Variants in CYB5R2 observed in about 807,000 individuals in gnomAD.
CYB5R2 encodes NADH-cytochrome b5 reductase 2.
CYB5R2 carries 35 observed loss-of-function variants against 29.8 expected under a neutral mutation model. The ratio of observed to expected loss-of-function variants is 1.17; its 90% confidence interval spans 0.90 to 1.56. The LOEUF is 1.56. CYB5R2 is among the 40% of genes most tolerant of loss of function. The pLI is 0.00. For missense variants in CYB5R2, 419 were observed against 346.7 expected (o/e 1.21, Z -1.66); for synonymous variants, 169 against 130.6 (o/e 1.29, Z -2.01).
At chr11:7,673,640 C>G (rs531216383), upstream of CYB5R2, 4 of 985,540 alleles carry the variant, frequency 4.1e-6, no homozygotes, top group African/African-American at 7.0e-5. Context: ...CTCCGCGCCT[C>G]TGGCCTCTTT....
At chr11:7,669,555 GCCCCTCCA>G in intron 4 of CYB5R2, 62 bp downstream of exon 4, 2 of 1,327,738 alleles carry the variant, frequency 1.5e-6, no homozygotes, top group Non-Finnish European at 2.1e-6. Context: ...AAAAAGCACT[GCCCCTCCA>G]CCCCACCACC....
rs11758 is a variant in CYB5R2 at position 7,665,262 on chromosome 11, G to C, written c.*112C>G. The stretch of plus-strand genomic sequence containing the variant: ...AAAAGAGGAGAACCAGTGTGTGCGC[G>C]AAGGTACATGGCAAGGCACTTTTGA... On this transcript the variant is annotated 3_prime_UTR_variant, in exon 9 of 9. Transcript: ENST00000299498. 175,940 of 930,108 alleles carry C rather than the reference G, an allele frequency of 0.19. 17,407 individuals are homozygous for C. The highest frequency in any genetic ancestry group is 0.24 in the Middle Eastern group (1,094 of 4,528). 57.6% of individuals were successfully genotyped at this position (930,108 alleles called of 1,614,324 possible). A position where few individuals can be genotyped will look rare whatever the true frequency, so the allele number is the denominator to read the frequency against.
Position 7,667,673 on chromosome 11 carries a change from G to A in CYB5R2, c.558+55C>T, listed in dbSNP as rs529319154. Reference sequence around the variant, plus strand: ...GTCAATGCAGGAGAAATGAAAACAAGAGCCCAGCTCAGCAAACATTCCATC... The same window carrying A: ...GTCAATGCAGGAGAAATGAAAACAAAAGCCCAGCTCAGCAAACATTCCATC... On this transcript the variant is annotated intron_variant, in intron 7 of 8. Transcript: ENST00000299498. 4.7e-6 allele frequency: 7 copies of A among 1,481,958 alleles called. No individual in the cohort carries two copies. In the South Asian group the frequency reaches 6.8e-5, roughly 14 times the overall value. 91.8% of individuals were successfully genotyped at this position (1,481,958 alleles called of 1,614,324 possible).
chr11:7,670,473 C>A (rs912680360), intron 3 of CYB5R2: 2 of 152,324 alleles, frequency 1.3e-5, no homozygotes, highest in Non-Finnish European at 2.9e-5. Context: ...ATTACAACTA[C>A]TCCATCTGTA....
upstream of CYB5R2, chr11:7,673,654 T>A (rs571258305): frequency 6.9e-4 from 677 of 985,310 alleles, 4 homozygotes; most frequent in African/African-American, 0.011. Flanking sequence ...CCTCTTTCCT[T>A]CCGGCCGTCC....
intron 3 of CYB5R2, chr11:7,669,980 G>A: frequency 2.1e-6 from 1 of 468,794 alleles, no homozygotes; most frequent in Non-Finnish European, 3.8e-6. Context: ...GTAAAATGGG[G>A]GTGATATGTC....
intron 1 of CYB5R2, chr11:7,673,184 C>CA (rs751056956): frequency 2.4e-6 from 1 of 420,182 alleles, no homozygotes; most frequent in Non-Finnish European, 4.1e-6. Flanking sequence ...TGGCTACAGC[C>CA]AAAGGTTCAT....
chr11:7,667,871 T>G, intron 6 of CYB5R2, 58 bp from the exon 7 acceptor site: 1 of 1,391,358 alleles, frequency 7.2e-7, no homozygotes, highest in East Asian at 2.3e-5. Flanking sequence ...CCACAGTCCC[T>G]GACCTGCAGC....
chr11:7,673,404 C>A lies in CYB5R2; in HGVS notation c.-67+15G>T, dbSNP rs181352694. The A allele has an allele frequency of 1.0e-6, 1 of 997,230 alleles. No homozygotes were observed. The allele number at this position is 997,230 out of a possible 1,614,324, so 61.8% of individuals were successfully genotyped here. ...ACTGCCAGAGACTCGGGAGCCTCCC[C>A]GCATCTGTCCCTACCCTACAAGGCC... On this transcript the variant is annotated intron_variant, in intron 1 of 8. Coordinates refer to ENST00000299498, the MANE Select transcript of CYB5R2 (RefSeq NM_016229.5).
intron 7 of CYB5R2, chr11:7,666,844 G>T: frequency 3.6e-6 from 1 of 276,730 alleles, no homozygotes. Context: ...GGCCAGGATG[G>T]CTTCACTCGG....
At chr11:7,666,730 TTGTGGATGAAGTTCCTCCA>T (rs967362263) in intron 7 of CYB5R2, 180 bp from the exon 8 acceptor site, 5 of 510,360 alleles carry the variant, frequency 9.8e-6, no homozygotes, top group South Asian at 2.4e-5. Context: ...ACCCTTTGTT[TTGTGGATGAAGTTCCTCCA>T]TGTGGATGAA....
chr11:7,672,171 A>C (rs1285237536), intron 3 of CYB5R2: 26 of 411,410 alleles, frequency 6.3e-5, no homozygotes, highest in Non-Finnish European at 1.0e-4. Context: ...TTCCCCAGCA[A>C]GGAGCCTTCC....
At chr11:7,666,679 C>G (rs1426250189) in intron 7 of CYB5R2, 129 bp from the exon 8 acceptor site, 1 of 603,614 alleles carries the variant, frequency 1.7e-6, no homozygotes, top group East Asian at 2.9e-5. Context: ...CTGCCAACTC[C>G]CACGGCAAAC....
chr11:7,672,369 T>G (rs538441575), intron 3 of CYB5R2, 82 bp downstream of exon 3: 14 of 1,260,676 alleles, frequency 1.1e-5, no homozygotes, highest in Non-Finnish European at 1.6e-5. Context: ...CCTCAGGACG[T>G]GGGAAACCTG....
chr11:7,672,269 GAAGAA>G (rs150922250), intron 3 of CYB5R2, 177 bp downstream of exon 3: 42,693 of 587,796 alleles, frequency 0.073, 1,651 homozygotes, highest in East Asian at 0.1. Flanking sequence ...TTGGAATAAT[GAAGAA>G]AAGAAATTTT....
intron 4 of CYB5R2, 127 bp downstream of exon 4, chr11:7,669,498 A>G: frequency 8.3e-7 from 1 of 1,211,562 alleles, no homozygotes; most frequent in Non-Finnish European, 1.2e-6. Context: ...GGTTAACTGT[A>G]GCTTCACTGC....
intron 8 of CYB5R2, 51 bp downstream of exon 8, chr11:7,666,400 G>T: frequency 8.6e-7 from 1 of 1,162,404 alleles, no homozygotes; most frequent in Non-Finnish European, 1.3e-6. Context: ...TCCTCAAAGT[G>T]GTCAAGGGTT....
chr11:7,669,395 C>T (rs1392889896), intron 4 of CYB5R2, 61 bp from the exon 5 acceptor site: 2 of 1,548,150 alleles, frequency 1.3e-6, no homozygotes, highest in East Asian at 2.3e-5. Flanking sequence ...CCACGTACAA[C>T]TAGAAAATGC....
rs752331164 is a variant in CYB5R2 at position 7,672,455 on chromosome 11, A to T, written c.147T>A (p.Pro49=). The change falls in exon 3 of 9, where the codon CCT becomes CCA. Residue 49 remains proline, a synonymous_variant. Coordinates refer to ENST00000299498, the MANE Select transcript of CYB5R2 (RefSeq NM_016229.5). ...GATGACCCAAGCCCGGCTCACCTAC[A>T]GGAAGCCCTAAGACATGGTCCGGCG... ...LPSPDHVLGL[P]VGNYVQLLAK... is the part of the protein sequence containing the mutation. 2 of 1,614,104 alleles carry T rather than the reference A, an allele frequency of 1.2e-6. No individual in the cohort carries two copies. The highest frequency in any genetic ancestry group is 3.3e-5 in the Admixed American group (2 of 60,024).
Sources: gnomAD v4.1 joint callset for allele counts on GRCh38, gnomAD v4.1.1 for gene constraint, MANE v1.5 for transcripts, NCBI Gene and HGNC (gene_info 2026-07-23, HGNC 2026-07-21) for gene names.